Variants in KIF22 observed in about 807,000 individuals in gnomAD.
The protein encoded by KIF22 is kinesin family member 22, also known as kinesin-like protein KIF22.
In KIF22, 62 loss-of-function variants were observed where a neutral mutation model predicts 73.0. The ratio of observed to expected loss-of-function variants is 0.85; its 90% CI spans 0.69 to 1.05. The LOEUF is 1.05. Ranked by LOEUF, KIF22 falls within the 50% of genes least tolerant of loss-of-function variation. The probability of loss-of-function intolerance (pLI) is 0.00; values close to 1 mark genes in which losing one functional copy is unlikely to be tolerated. For missense variants in KIF22, 854 were observed against 870.1 expected (o/e 0.98, Z 0.23); for synonymous variants, 411 against 340.1 (o/e 1.21, Z -2.29).
chr16:29,792,165 T>A (rs1298949246), intron 1 of KIF22, among the ~76,000 whole-genome samples: 1 of 14,516 alleles, frequency 6.9e-5, no homozygotes, highest in African/African-American at 8.1e-5. Flanking sequence ...TTATTTATGA[T>A]GTAAGATGCT....
chr16:29,793,436 A>T lies in KIF22; in HGVS notation c.70+2607A>T, dbSNP rs568041367. Among the ~76,000 whole-genome samples, 5 of 152,282 alleles carry T rather than the reference A, an allele frequency of 3.3e-5. No individual in the cohort carries two copies. In the South Asian group the frequency reaches 1.0e-3, roughly 32 times the overall value. ...TGGCGACAGTGAGATTCTGTCTCAA[A>T]AAAAAGGAGCCGTCAGGGCAGCCGT... On this transcript the variant is annotated intron_variant, in intron 1 of 13. Transcript: ENST00000160827.
In KIF22 at chr16:29,799,335, G is replaced by A. The variant is rs1362887689; in HGVS notation, c.831G>A (p.Gly277=). Residue 277 remains glycine (G), a synonymous_variant, in exon 6 of 14, where the codon GGG becomes GGA. Transcript: ENST00000160827. ...EGKLYLIDLA[G]SEDNRRTGNK... is the part of the protein sequence containing the mutation. ...AACTCTACCTGATTGACTTGGCTGG[G>A]TCAGAGGACAACCGGCGCACAGGCA... The A allele has an allele frequency of 1.2e-6, 2 of 1,614,244 alleles. No individual in the cohort carries two copies. The highest frequency in any genetic ancestry group is 2.2e-5 in the East Asian group (1 of 44,892).
Position 29,798,357 on chromosome 16 carries a change from T to C in KIF22, c.267-17T>C, listed in dbSNP as rs1292786133. ...ACACACACACACACACGCTAATTTC[T>C]TTCTTTCTTCCTGCAGGTTTGATGC... On this transcript the variant is annotated splice_polypyrimidine_tract_variant and intron_variant, in intron 2 of 13. Transcript: ENST00000160827. The surrounding 1 kb of genome is among the most constrained non-coding windows in gnomAD (Gnocchi z 4.1). 2.0e-6 allele frequency: 3 copies of C among 1,517,722 alleles called. No homozygotes were observed. Among genetic ancestry groups the C allele is most frequent in the Non-Finnish European group, 2.7e-6 (3 of 1,123,254 alleles). The allele number at this position is 1,517,722 out of a possible 1,614,324, so 94.0% of individuals were successfully genotyped here. A position where few individuals can be genotyped will look rare whatever the true frequency, so the allele number is the denominator to read the frequency against.
Position 29,796,901 on chromosome 16 carries a change from C to G in KIF22, c.79C>G (p.Arg27Gly). 3 of 1,614,032 alleles carry G rather than the reference C, an allele frequency of 1.9e-6. No homozygotes were observed. The highest frequency in any genetic ancestry group is 2.5e-6 in the Non-Finnish European group (3 of 1,179,970). ...ASAAAISGAG[R>G]CRLSKIGATR... Reference sequence around the variant, plus strand: ...GATCTTCTCTCCTCCAGGAGCTGGTCGCTGTCGGCTAAGCAAGATTGGAGC... The same window carrying G: ...GATCTTCTCTCCTCCAGGAGCTGGTGGCTGTCGGCTAAGCAAGATTGGAGC... The change falls in exon 2 of 14, where the codon CGC becomes GGC. Residue 27 changes from arginine to glycine, a missense_variant. Physicochemically the swap from Arg to Gly is moderately radical, Grantham distance 125 (BLOSUM62 -2). Transcript: ENST00000160827.
At position 29,803,561 on chromosome 16, in the gene KIF22, C is replaced by T. The variant is rs752670982; in HGVS notation, c.1562C>T (p.Thr521Ile). ...MLRPLSHRTVTGAKPLKKAVV... is the reference protein window; with the variant it reads ...MLRPLSHRTVIGAKPLKKAVV... ...CGGCCCCTTTCACATCGCACAGTCA[C>T]AGGGGCAAAGCCCCTGAAAAAGGCT... Residue 521 changes from threonine (T) to isoleucine (I), a missense_variant, in exon 10 of 14, where the codon ACA (threonine) becomes ATA (isoleucine). Transcript: ENST00000160827. The T allele has an allele frequency of 1.9e-6, 3 of 1,613,518 alleles. No individual in the cohort carries two copies. Among genetic ancestry groups the T allele is most frequent in the Admixed American group, 1.7e-5 (1 of 59,992 alleles).
rs1194638582 is a variant in KIF22 at position 29,797,805 on chromosome 16, T to G, written c.267-569T>G. On this transcript the variant is annotated intron_variant, in intron 2 of 13. Coordinates refer to ENST00000160827, the MANE Select transcript of KIF22 (RefSeq NM_007317.3). This position sits in a 1 kb window ranked among gnomAD's most constrained non-coding sequence, Gnocchi z 4.1. ...CCAGCCTCATTCCCTCAATATATATTAAACTCCCTGCTGTGGCCTAAGCTG... is the reference window on the plus strand; with the variant it reads ...CCAGCCTCATTCCCTCAATATATATGAAACTCCCTGCTGTGGCCTAAGCTG... 5.9e-5 allele frequency among the ~76,000 whole-genome samples: 9 copies of G among 152,144 alleles called. No individual in the cohort carries two copies. The highest frequency in any genetic ancestry group is 1.3e-4 in the Non-Finnish European group (9 of 68,028).
rs369813545 is a variant in KIF22 at position 29,795,788 on chromosome 16, CA to C, written c.71-1097del. On this transcript the variant is annotated intron_variant, in intron 1 of 13. Coordinates refer to ENST00000160827, the MANE Select transcript of KIF22 (RefSeq NM_007317.3). ...TTGCCAATTCTAAAACAAAACAAAACAAAAAAAACTTAATCATCTGAAGCAA... is the reference window on the plus strand; with the variant it reads ...TTGCCAATTCTAAAACAAAACAAAACAAAAAAACTTAATCATCTGAAGCAA... Among the ~76,000 whole-genome samples, 292 of 151,670 alleles carry C rather than the reference CA, an allele frequency of 1.9e-3. 1 individual carries two copies. Among genetic ancestry groups the C allele is most frequent in the African/African-American group, 6.8e-3 (280 of 41,338 alleles).
chr16:29,791,665 C>T lies in KIF22; in HGVS notation c.70+836C>T, dbSNP rs151042090. 5.6e-4 allele frequency among the ~76,000 whole-genome samples: 85 copies of T among 152,296 alleles called. No individual in the cohort carries two copies. In the East Asian group the frequency reaches 0.014, roughly 25 times the overall value. ...TTATGGTGGTGAACCATTTATTGTCCACACAATGCTATCAGGTTGTTACTA... is the reference window on the plus strand; with the variant it reads ...TTATGGTGGTGAACCATTTATTGTCTACACAATGCTATCAGGTTGTTACTA... On this transcript the variant is annotated intron_variant, in intron 1 of 13. Transcript: ENST00000160827.
In KIF22 at chr16:29,805,142, A is replaced by T. The variant is rs200193862; in HGVS notation, c.1918A>T (p.Ile640Leu). The T allele has an allele frequency of 7.4e-6, 12 of 1,613,696 alleles. No homozygotes were observed. In the East Asian group the frequency reaches 2.5e-4, roughly 33 times the overall value. ...GGAGGACCTGGAACGCGTGGAGGGC[A>T]TAACGGGGAAACAGATGGAGTCCTT... ...QVEDLERVEGITGKQMESFLK... is the reference protein window; with the variant it reads ...QVEDLERVEGLTGKQMESFLK... Residue 640 changes from isoleucine (I) to leucine (L), a missense_variant, in exon 13 of 14, where the codon ATA becomes TTA. This residue lies in a region of KIF22 where 423 missense variants were observed against 365.4 expected (regional missense o/e 1.16). Transcript: ENST00000160827.
Position 29,799,301 on chromosome 16 carries a change from G to C in KIF22, c.797G>C (p.Arg266Pro), listed in dbSNP as rs772915372. 1 of 1,614,040 alleles carries C rather than the reference G, an allele frequency of 6.2e-7. No homozygotes were observed. Among genetic ancestry groups the C allele is most frequent in the Admixed American group, 1.7e-5 (1 of 59,998 alleles). The part of the protein sequence containing the change: ...QRERLAPFRQ[R>P]EGKLYLIDLA... ...GAACGTTTGGCCCCATTTCGCCAGC[G>C]AGAGGGAAAACTCTACCTGATTGAC... The change falls in exon 6 of 14, where the codon CGA becomes CCA. Residue 266 changes from arginine (R) to proline (P), a missense_variant. Transcript: ENST00000160827.
rs1898988724 is a variant in KIF22, at chr16:29,797,795, CA to C, written c.267-577del. Among the ~76,000 whole-genome samples the C allele has an allele frequency of 6.6e-6, 1 of 152,138 alleles. No homozygotes were observed. The highest frequency in any genetic ancestry group is 1.5e-5 in the Non-Finnish European group (1 of 68,020). The stretch of plus-strand genomic sequence containing the variant: ...CAGTTTCTTTCCAGCCTCATTCCCT[CA>C]ATATATATTAAACTCCCTGCTGTGG... On this transcript the variant is annotated intron_variant, in intron 2 of 13. Transcript: ENST00000160827. The surrounding 1 kb of genome is among the most constrained non-coding windows in gnomAD (Gnocchi z 4.1).
chr16:29,803,801 G>A (rs1899232975), intron 10 of KIF22, among the ~76,000 whole-genome samples, 193 bp downstream of exon 10: 2 of 152,198 alleles, frequency 1.3e-5, no homozygotes, highest in Non-Finnish European at 2.9e-5. Context: ...ATGGACAAAC[G>A]AGTAGAGGAT....
In KIF22 at chr16:29,790,790, C is replaced by T. The variant is rs556897693; in HGVS notation, c.31C>T (p.Arg11Ter). 8.1e-6 allele frequency: 13 copies of T among 1,603,238 alleles called. No homozygotes were observed. The highest frequency in any genetic ancestry group is 4.0e-5 in the African/African-American group (3 of 74,926). Residue 11 changes from arginine (R) to a stop codon, truncating the protein, a stop_gained, in exon 1 of 14, where the codon CGA becomes TGA. Transcript: ENST00000160827. LOFTEE classifies it high-confidence loss of function. MAAGGSTQQRRREMAAASAAA... is the reference protein window; with the variant it reads MAAGGSTQQR The stretch of plus-strand genomic sequence containing the variant: ...CGCGGGCGGCTCGACGCAGCAGAGG[C>T]GACGCGAGATGGCGGCAGCTTCAGC...
chr16:29,803,056 G>C (rs1354546449), intron 9 of KIF22, 119 bp downstream of exon 9: 7 of 992,610 alleles, frequency 7.1e-6, no homozygotes, highest in East Asian at 5.0e-5. Flanking sequence ...CCCAATACCG[G>C]AAGTTCTCCA....
chr16:29,802,094 C>G (rs1899156196), intron 8 of KIF22, among the ~76,000 whole-genome samples: 2 of 151,694 alleles, frequency 1.3e-5, no homozygotes, highest in Non-Finnish European at 2.9e-5. Flanking sequence ...TAGTAAGACC[C>G]CATCTCTACA....
rs1349382444 is a variant in KIF22 at position 29,797,946 on chromosome 16, AG to A, written c.267-427del. On this transcript the variant is annotated intron_variant, in intron 2 of 13. Coordinates refer to ENST00000160827, the MANE Select transcript of KIF22 (RefSeq NM_007317.3). This position sits in a 1 kb window ranked among gnomAD's most constrained non-coding sequence, Gnocchi z 4.1. ...GTAAAATACAATGTTCTACACATGT[AG>A]CCATTTGAAAAAGACTGGGAAGCCT... Among the ~76,000 whole-genome samples the A allele has an allele frequency of 6.6e-6, 1 of 152,092 alleles. No individual in the cohort carries two copies. Among genetic ancestry groups the A allele is most frequent in the African/African-American group, 2.4e-5 (1 of 41,338 alleles).
At chr16:29,803,195 CAATT>C (rs1254580040) in intron 9 of KIF22, among the ~76,000 whole-genome samples, 3 of 152,192 alleles carry the variant, frequency 2.0e-5, no homozygotes, top group African/African-American at 7.2e-5. Flanking sequence ...AAGCCCAGCT[CAATT>C]AATTGAGGAC....
Position 29,798,930 on chromosome 16 carries a change from A to T in KIF22, c.550-45A>T. The T allele has an allele frequency of 6.3e-7, 1 of 1,589,632 alleles. No homozygotes were observed. The highest frequency in any genetic ancestry group is 1.1e-5 in the South Asian group (1 of 90,562). ...AGGAAACTGATCCCCAGGAAGAAAC[A>T]GCCTCTCTATGGAGAATTGCCCTTC... On this transcript the variant is annotated intron_variant, in intron 4 of 13. Transcript: ENST00000160827. The surrounding 1 kb of genome is among the most constrained non-coding windows in gnomAD (Gnocchi z 4.1).
At chr16:29,803,875 A>G in intron 10 of KIF22, 123 bp from the exon 11 acceptor site, 2 of 786,896 alleles carry the variant, frequency 2.5e-6, no homozygotes, top group Non-Finnish European at 4.4e-6. Context: ...TCATGTGGAA[A>G]CACAACAGGT....
Sources: gnomAD v4.1 joint callset for allele counts (sites outside exome capture counted in the v4.1 genomes callset) on GRCh38, gnomAD v4.1.1 for gene constraint, gnomAD v4.1.1 regional missense constraint, Gnocchi (gnomAD v3.1) non-coding constraint, MANE v1.5 for transcripts, NCBI Gene and HGNC (gene_info 2026-07-23, HGNC 2026-07-21) for gene names.